ZNF623: variants seen among roughly 807,000 people sequenced by gnomAD.
ZNF623 encodes the protein zinc finger protein 623.
Under a neutral mutation model 24.0 loss-of-function variants are expected in ZNF623, and 16 were observed. The ratio of observed to expected loss-of-function variants is 0.67; its 90% CI spans 0.45 to 1.01. ZNF623 has a LOEUF of 1.01. Among genes scored for constraint, ZNF623 ranks in the 50% least tolerant of loss-of-function variants. The pLI is 0.00. For missense variants in ZNF623, 566 were observed against 606.5 expected, an observed-to-expected ratio of 0.93 and a Z score of 0.70; for synonymous variants, 224 against 219.8, an observed-to-expected ratio of 1.02 and a Z score of -0.17.
chr8:143,651,523 G>C lies in ZNF623; in HGVS notation c.*40G>C. On this transcript the variant is annotated 3_prime_UTR_variant, in exon 2 of 2. Coordinates refer to ENST00000526926, the MANE Select transcript of ZNF623 (RefSeq NM_001261843.2). ...CGCCCAGTGAGTGATGTTTGGAAAT[G>C]CGTGGAATTAGGATTCATGTGGTTT... 7 of 1,525,018 alleles carry C rather than the reference G, an allele frequency of 4.6e-6. No individual in the cohort carries two copies. Among genetic ancestry groups the C allele is most frequent in the Non-Finnish European group, 6.1e-6 (7 of 1,138,738 alleles). 94.5% of individuals were successfully genotyped at this position (1,525,018 alleles called of 1,614,324 possible).
rs750391222 is a variant in ZNF623, at chr8:143,650,250, T to C, written c.258T>C (p.Asp86=). 1.2e-6 allele frequency: 2 copies of C among 1,614,228 alleles called. No homozygotes were observed. The highest frequency in any genetic ancestry group is 2.2e-5 in the South Asian group (2 of 91,090). The change falls in exon 2 of 2, where the codon GAT becomes GAC. Residue 86 remains aspartate, a synonymous_variant. Transcript: ENST00000526926. This position sits in a 1 kb window ranked among gnomAD's most constrained non-coding sequence, Gnocchi z 5.2. ...TAGAGGGGGAAGCCAATCCTTGCGA[T>C]ATCTGTGGCAAAACCTTCACGTTTA... ...ELIEGEANPC[D]ICGKTFTFNS...
rs774270083 is a variant in ZNF623 at position 143,650,766 on chromosome 8, G to A, written c.774G>A (p.Lys258=). The change falls in exon 2 of 2, where the codon AAG becomes AAA. Residue 258 remains lysine (K), a synonymous_variant. Coordinates refer to ENST00000526926, the MANE Select transcript of ZNF623 (RefSeq NM_001261843.2). This position sits in a 1 kb window ranked among gnomAD's most constrained non-coding sequence, Gnocchi z 5.2. ...AGTATGAATGCAAAGAATGTGGGAA[G>A]GCATTCCGTCATCGCTCAGACCTTA... ...VKQYECKECG[K]AFRHRSDLIE... is the part of the protein sequence containing the mutation. 1.2e-6 allele frequency: 2 copies of A among 1,614,072 alleles called. No homozygotes were observed. Among genetic ancestry groups the A allele is most frequent in the East Asian group, 4.5e-5 (2 of 44,872 alleles).
chr8:143,649,105 GTCTCTACTAAAAATACAAAAAAATTA>G (rs1587332106), intron 1 of ZNF623, among the ~76,000 whole-genome samples: 1 of 151,930 alleles, frequency 6.6e-6, no homozygotes, highest in East Asian at 1.9e-4. Context: ...GTAAAACCCC[GTCTCTACTAAAAATACAAAAAAATTA>G]GCCGGGCGTG....
chr8:143,640,462 A>G (rs1162553878), intron 1 of ZNF623, among the ~76,000 whole-genome samples: 1 of 152,230 alleles, frequency 6.6e-6, no homozygotes, highest in African/African-American at 2.4e-5. Context: ...GCTGTTCGCT[A>G]GTATTTTACC....
At chr8:143,649,596 T>G in intron 1 of ZNF623, 1 of 431,942 alleles carries the variant, frequency 2.3e-6, no homozygotes, top group Non-Finnish European at 4.1e-6. Flanking sequence ...TTTAATGGAG[T>G]TCAAGCATAT....
At chr8:143,636,697 T>C (rs1814933606) in intron 1 of ZNF623, among the ~76,000 whole-genome samples, 1 of 152,142 alleles carries the variant, frequency 6.6e-6, no homozygotes, top group Admixed American at 6.5e-5. Flanking sequence ...GGAAACATGA[T>C]GAGCAGAATT....
chr8:143,640,805 G>T (rs1815030998), intron 1 of ZNF623, among the ~76,000 whole-genome samples: 1 of 152,150 alleles, frequency 6.6e-6, no homozygotes, highest in Non-Finnish European at 1.5e-5. Flanking sequence ...GCTGGGCGTG[G>T]TGGCGCACTC....
intron 1 of ZNF623, among the ~76,000 whole-genome samples, chr8:143,645,218 C>T (rs574826303): frequency 9.9e-5 from 15 of 151,978 alleles, no homozygotes; most frequent in South Asian, 4.1e-4. Context: ...CCAAGGCGGG[C>T]GGATCACAAG....
At chr8:143,636,825 G>T (rs560504391) in intron 1 of ZNF623, among the ~76,000 whole-genome samples, 1 of 152,208 alleles carries the variant, frequency 6.6e-6, no homozygotes, top group African/African-American at 2.4e-5. Context: ...AAGAATCCCA[G>T]TGGCGTTCTC....
chr8:143,648,572 C>T lies in ZNF623; in HGVS notation c.-95-1326C>T, dbSNP rs180937722. 7.0e-4 allele frequency among the ~76,000 whole-genome samples: 107 copies of T among 152,126 alleles called. 1 individual carries two copies. The highest frequency in any genetic ancestry group is 2.5e-3 in the African/African-American group (103 of 41,478). ...TTTCAGGTCGCTGGGAACTGGCGCA[C>T]TTCTTCATGCTGAGGGGAGTGGTGG... is the stretch of plus-strand genomic sequence containing the variant. On this transcript the variant is annotated intron_variant, in intron 1 of 1. Transcript: ENST00000526926.
rs367580421 is a variant in ZNF623 at position 143,649,907 on chromosome 8, T to C, written c.-86T>C. The C allele has an allele frequency of 3.1e-6, 5 of 1,607,938 alleles. No homozygotes were observed. The highest frequency in any genetic ancestry group is 3.4e-6 in the Non-Finnish European group (4 of 1,175,882). ...TTGTCTTTTGTTTCAGATTCTAATG[T>C]AGGAACTGGTGAGAAGAAGGTGACT... On this transcript the variant is annotated 5_prime_UTR_variant, in exon 2 of 2. The change abolishes the stop of an existing upstream ORF in the 5' untranslated region. Transcript: ENST00000526926.
In ZNF623 at chr8:143,636,095, G is replaced by C. The variant is rs959781932; in HGVS notation, c.-146G>C. ...GTGGGGCCCGCGCCGGCGGGGTCCA[G>C]TCAGCGGCTGCAGGGTCGGGCTCGC... On this transcript the variant is annotated 5_prime_UTR_variant, in exon 1 of 2. Coordinates refer to ENST00000526926, the MANE Select transcript of ZNF623 (RefSeq NM_001261843.2). 6.6e-6 allele frequency: 1 copy of C among 152,326 alleles called. No homozygotes were observed. Among genetic ancestry groups the C allele is most frequent in the Admixed American group, 6.5e-5 (1 of 15,300 alleles). The allele number at this position is 152,326 out of a possible 1,614,324, so 9.4% of individuals were successfully genotyped here.
At chr8:143,642,023 C>A (rs1211537584) in intron 1 of ZNF623, among the ~76,000 whole-genome samples, 1 of 152,186 alleles carries the variant, frequency 6.6e-6, no homozygotes, top group Non-Finnish European at 1.5e-5. Context: ...ATCTTTGAAG[C>A]CAGGCATTGA....
chr8:143,648,450 G>A (rs560511836), intron 1 of ZNF623, among the ~76,000 whole-genome samples: 6 of 152,096 alleles, frequency 3.9e-5, no homozygotes, highest in Non-Finnish European at 7.4e-5. Flanking sequence ...AGGAAATGGA[G>A]AAATCGAGCG....
chr8:143,642,735 G>A (rs1014107930), intron 1 of ZNF623, among the ~76,000 whole-genome samples: 1 of 152,190 alleles, frequency 6.6e-6, no homozygotes, highest in African/African-American at 2.4e-5. Flanking sequence ...CCGGTTGGTG[G>A]TGGATGTAGG....
Position 143,651,676 on chromosome 8 carries a change from A to G in ZNF623, c.*193A>G, listed in dbSNP as rs1184523157. The G allele has an allele frequency of 1.7e-6, 1 of 585,742 alleles. No individual in the cohort carries two copies. The highest frequency in any genetic ancestry group is 3.0e-6 in the Non-Finnish European group (1 of 338,112). The allele number at this position is 585,742 out of a possible 1,614,324, so 36.3% of individuals were successfully genotyped here. A position where few individuals can be genotyped will look rare whatever the true frequency, so the allele number is the denominator to read the frequency against. On this transcript the variant is annotated 3_prime_UTR_variant, in exon 2 of 2. Transcript: ENST00000526926. ...CTCAGCTGTGAGCACTGTCCTCAGGAGAGTCACAGGGCTTGACACCTGACT... is the reference window on the plus strand; with the variant it reads ...CTCAGCTGTGAGCACTGTCCTCAGGGGAGTCACAGGGCTTGACACCTGACT...
intron 1 of ZNF623, among the ~76,000 whole-genome samples, chr8:143,644,538 C>T (rs1815127417): frequency 6.6e-6 from 1 of 152,144 alleles, no homozygotes; most frequent in Admixed American, 6.6e-5. Flanking sequence ...TCAGCCTTCT[C>T]ATCCTGAGAG....
rs1815256319 is a variant in ZNF623 at position 143,649,936 on chromosome 8, G to T, written c.-57G>T. 2 of 1,613,334 alleles carry T rather than the reference G, an allele frequency of 1.2e-6. No homozygotes were observed. The highest frequency in any genetic ancestry group is 1.7e-6 in the Non-Finnish European group (2 of 1,179,422). ...AACTGGTGAGAAGAAGGTGACTGAA[G>T]CCTGGATTTCTGAGGATGAAAACTC... On this transcript the variant is annotated 5_prime_UTR_variant, in exon 2 of 2. Coordinates refer to ENST00000526926, the MANE Select transcript of ZNF623 (RefSeq NM_001261843.2).
rs1388599037 is a variant in ZNF623, at chr8:143,652,382, G to A, written c.*899G>A. On this transcript the variant is annotated 3_prime_UTR_variant, in exon 2 of 2. Coordinates refer to ENST00000526926, the MANE Select transcript of ZNF623 (RefSeq NM_001261843.2). ...ATAAAAAATACACCCCTAAATCTAT[G>A]TGTAATTGGCATCTCTCTTGCTTTG... The A allele has an allele frequency of 6.0e-6, 1 of 167,042 alleles. No homozygotes were observed. Among genetic ancestry groups the A allele is most frequent in the Admixed American group, 6.5e-5 (1 of 15,272 alleles). 10.3% of individuals were successfully genotyped at this position (167,042 alleles called of 1,614,324 possible).
Sources: gnomAD v4.1 joint callset for allele counts (sites outside exome capture counted in the v4.1 genomes callset) on GRCh38, gnomAD v4.1.1 for gene constraint, Gnocchi (gnomAD v3.1) non-coding constraint, MANE v1.5 for transcripts, NCBI Gene and HGNC (gene_info 2026-07-23, HGNC 2026-07-21) for gene names.